MEI4: variants seen among roughly 807,000 people sequenced by gnomAD.
MEI4 encodes the protein meiotic double-stranded break formation protein 4, also known as meiosis-specific protein MEI4.
MEI4 carries 27 observed loss-of-function variants against 31.4 expected under a neutral mutation model. The observed-to-expected ratio is 0.86, with a 90% CI of 0.63 to 1.19. MEI4 has a LOEUF of 1.19. Among genes scored for constraint, MEI4 ranks in the 50% most tolerant of loss-of-function variants. MEI4 has a pLI of 0.00. For synonymous variants in MEI4, 122 were observed against 145.4 expected, an observed-to-expected ratio of 0.84 and a Z score of 1.16; for missense variants, 329 against 398.9, an observed-to-expected ratio of 0.82 and a Z score of 1.49.
intron 2 of MEI4, among the ~76,000 whole-genome samples, chr6:77,746,990 G>A (rs185012449): frequency 6.6e-6 from 1 of 152,116 alleles, no homozygotes; most frequent in African/African-American, 2.4e-5. Context: ...TTCTATGAGT[G>A]TATTATTTCA....
At chr6:77,888,227 C>T (rs1047951191) in intron 4 of MEI4, among the ~76,000 whole-genome samples, 1 of 151,940 alleles carries the variant, frequency 6.6e-6, no homozygotes, top group African/African-American at 2.4e-5. Context: ...GGCTATATCT[C>T]CTAAGTGGAT....
In MEI4 at chr6:77,775,532, G is replaced by A. The variant is rs9448210; in HGVS notation, c.768+13867G>A. Among the ~76,000 whole-genome samples, 1,058 of 152,170 alleles carry A rather than the reference G, an allele frequency of 7.0e-3. 13 individuals are homozygous for A. The highest frequency in any genetic ancestry group is 0.024 in the African/African-American group (998 of 41,476). On this transcript the variant is annotated intron_variant, in intron 3 of 4. Transcript: ENST00000684080. ...CATTATTTCATTCCTTTTTATGGCT[G>A]TGTGGTATTTCATGGTATATTTATA...
At chr6:77,669,346 A>G (rs1768695810) in intron 1 of MEI4, among the ~76,000 whole-genome samples, 1 of 152,164 alleles carries the variant, frequency 6.6e-6, no homozygotes, top group South Asian at 2.1e-4. Flanking sequence ...AGTTGTTTCA[A>G]TTTAAAAAAT....
intron 2 of MEI4, among the ~76,000 whole-genome samples, chr6:77,747,318 A>G (rs1028206259): frequency 6.6e-6 from 1 of 151,286 alleles, no homozygotes; most frequent in Non-Finnish European, 1.5e-5. Context: ...GACTCCATCT[A>G]AAAAAAAAGA....
At chr6:77,917,134 T>C (rs1041452866) in intron 4 of MEI4, among the ~76,000 whole-genome samples, 18 of 152,030 alleles carry the variant, frequency 1.2e-4, no homozygotes, top group Non-Finnish European at 2.5e-4. Context: ...TATTCCGTGG[T>C]GTATATGTGC....
At chr6:77,841,314 C>CATATATATATATATATACAT (rs1770352455) in intron 4 of MEI4, among the ~76,000 whole-genome samples, 2 of 51,922 alleles carry the variant, frequency 3.9e-5, no homozygotes, top group Non-Finnish European at 6.1e-5. Flanking sequence ...CAAATGTGTG[C>CATATATATATATATATACAT]ATATATATAT....
chr6:77,883,278 C>T (rs987456557), intron 4 of MEI4, among the ~76,000 whole-genome samples: 1 of 152,060 alleles, frequency 6.6e-6, no homozygotes, highest in Non-Finnish European at 1.5e-5. Context: ...TGCCTCATCT[C>T]AAACATTTAT....
chr6:77,781,392 C>T (rs1457189772), intron 3 of MEI4, among the ~76,000 whole-genome samples: 1 of 152,026 alleles, frequency 6.6e-6, no homozygotes, highest in Non-Finnish European at 1.5e-5. Flanking sequence ...TATTTTCCTC[C>T]ACAGCATGTT....
intron 4 of MEI4, among the ~76,000 whole-genome samples, chr6:77,863,471 G>C (rs915070861): frequency 3.3e-5 from 5 of 152,154 alleles, no homozygotes; most frequent in African/African-American, 1.2e-4. Context: ...TCAACTGGAA[G>C]AAAGGGTATC....
intron 3 of MEI4, among the ~76,000 whole-genome samples, chr6:77,798,345 TAATA>T (rs2127698994): frequency 6.6e-6 from 1 of 151,580 alleles, no homozygotes; most frequent in African/African-American, 2.4e-5. Context: ...AATATTTGTT[TAATA>T]AATACAATGT....
At chr6:77,802,654 A>G (rs1426789631) in intron 3 of MEI4, among the ~76,000 whole-genome samples, 1 of 152,164 alleles carries the variant, frequency 6.6e-6, no homozygotes, top group African/African-American at 2.4e-5. Context: ...GAGCTCTTTT[A>G]GGACAGGCCT....
rs953373922 is a variant in MEI4 at position 77,697,244 on chromosome 6, A to G, written c.232+6341A>G. 1.4e-3 allele frequency among the ~76,000 whole-genome samples: 213 copies of G among 152,012 alleles called. 6 individuals are homozygous for G. Among genetic ancestry groups the G allele is most frequent in the Middle Eastern group, 6.8e-3 (2 of 294 alleles). The stretch of plus-strand genomic sequence containing the variant: ...TCCTGGATTCACTAATTTTTTGAAG[A>G]GTTTTTTGTGTCTCTATTTCCTTCA... On this transcript the variant is annotated intron_variant, in intron 2 of 4. Coordinates refer to ENST00000684080, the MANE Select transcript of MEI4 (RefSeq NM_001322247.2).
At chr6:77,726,450 G>T (rs528616276) in intron 2 of MEI4, among the ~76,000 whole-genome samples, 2 of 152,282 alleles carry the variant, frequency 1.3e-5, no homozygotes, top group South Asian at 2.1e-4. Context: ...GCGGGCATGT[G>T]GTTAGGGATT....
intron 1 of MEI4, among the ~76,000 whole-genome samples, chr6:77,664,661 T>TA (rs1768585415): frequency 6.6e-6 from 1 of 151,786 alleles, no homozygotes; most frequent in African/African-American, 2.4e-5. Context: ...CAGCGACGCT[T>TA]GGGGTTGGGA....
At chr6:77,797,640 A>C (rs923906000) in intron 3 of MEI4, among the ~76,000 whole-genome samples, 5 of 152,248 alleles carry the variant, frequency 3.3e-5, no homozygotes, top group Non-Finnish European at 7.4e-5. Context: ...AAGAACTTGG[A>C]GTCTGTTGTC....
chr6:77,731,558 T>C (rs1352864616), intron 2 of MEI4, among the ~76,000 whole-genome samples: 3 of 151,300 alleles, frequency 2.0e-5, no homozygotes, highest in Non-Finnish European at 3.0e-5. Flanking sequence ...GTTGTGAAAA[T>C]TTTCTCCCAT....
intron 1 of MEI4, among the ~76,000 whole-genome samples, chr6:77,685,669 A>G (rs1207719661): frequency 1.3e-5 from 2 of 151,906 alleles, no homozygotes; most frequent in African/African-American, 4.8e-5. Flanking sequence ...TAGTAGTTTT[A>G]TGGTTTCATG....
chr6:77,848,571 G>T (rs537545408), intron 4 of MEI4, among the ~76,000 whole-genome samples: 8 of 152,262 alleles, frequency 5.3e-5, no homozygotes, highest in African/African-American at 1.9e-4. Context: ...AGTCCCTGTT[G>T]AGGGCCATGG....
chr6:77,798,348 T>C (rs1280243938), intron 3 of MEI4, among the ~76,000 whole-genome samples: 1 of 151,462 alleles, frequency 6.6e-6, no homozygotes, highest in Non-Finnish European at 1.5e-5. Flanking sequence ...ATTTGTTTAA[T>C]AAATACAATG....
Sources: gnomAD v4.1 joint callset for allele counts (sites outside exome capture counted in the v4.1 genomes callset) on GRCh38, gnomAD v4.1.1 for gene constraint, MANE v1.5 for transcripts, NCBI Gene and HGNC (gene_info 2026-07-23, HGNC 2026-07-21) for gene names.